BARD1: variants seen among roughly 807,000 people sequenced by gnomAD.
BARD1 encodes the protein BRCA1 associated RING domain 1, also known as BRCA1-associated RING domain protein 1.
In BARD1, 73 loss-of-function variants were observed where a neutral mutation model predicts 77.0. That is an observed-to-expected ratio of 0.95 (90% CI 0.79 to 1.15). BARD1 has a LOEUF of 1.15. BARD1 is among the 50% of genes most tolerant of loss of function. The pLI, the probability that BARD1 is intolerant of heterozygous loss-of-function variation, is 0.00. For synonymous variants in BARD1, 384 were observed against 338.0 expected, an observed-to-expected ratio of 1.14 and a Z score of -1.49; for missense variants, 993 against 938.8, an observed-to-expected ratio of 1.06 and a Z score of -0.75.
At chr2:214,769,806 C>T (rs961637397) in intron 4 of BARD1, among the ~76,000 whole-genome samples, 22 of 152,196 alleles carry the variant, frequency 1.4e-4, no homozygotes, top group African/African-American at 5.3e-4. Context: ...GAAGTACAGT[C>T]ATGCTTGAAT....
chr2:214,808,928 C>A (rs1011687909), intron 1 of BARD1, among the ~76,000 whole-genome samples: 1 of 152,214 alleles, frequency 6.6e-6, no homozygotes, highest in Non-Finnish European at 1.5e-5. Flanking sequence ...AAAGCTGGCA[C>A]GGAGAAAATG....
intron 3 of BARD1, among the ~76,000 whole-genome samples, chr2:214,784,826 T>C (rs1323944313): frequency 1.3e-5 from 2 of 151,946 alleles, no homozygotes; most frequent in African/African-American, 4.8e-5. Flanking sequence ...AGGTGAACAA[T>C]GAGAACACAT....
rs1350888901 is a variant in BARD1, at chr2:214,730,398, A to G, written c.2001+13T>C. On this transcript the variant is annotated intron_variant, in intron 10 of 10. Transcript: ENST00000260947. ...TAATAAGAACAATGAAAGTTGTATTAAAAGAAAAATACCAGCTGTTCTCTG... is the reference window on the plus strand; with the variant it reads ...TAATAAGAACAATGAAAGTTGTATTGAAAGAAAAATACCAGCTGTTCTCTG... 1 of 1,607,142 alleles carries G rather than the reference A, an allele frequency of 6.2e-7. No homozygotes were observed. Among genetic ancestry groups the G allele is most frequent in the East Asian group, 2.2e-5 (1 of 44,806 alleles).
At chr2:214,806,310 T>C (rs1696267067) in intron 1 of BARD1, among the ~76,000 whole-genome samples, 1 of 152,120 alleles carries the variant, frequency 6.6e-6, no homozygotes, top group Non-Finnish European at 1.5e-5. Context: ...GCCCACTGGG[T>C]AGAACTCTGA....
intron 9 of BARD1, among the ~76,000 whole-genome samples, chr2:214,742,170 C>T (rs1268050366): frequency 6.6e-6 from 1 of 152,052 alleles, no homozygotes; most frequent in Non-Finnish European, 1.5e-5. Context: ...AGCTTTGGTC[C>T]ACCTATCATC....
intron 9 of BARD1, among the ~76,000 whole-genome samples, chr2:214,744,288 A>G (rs368434327): frequency 6.6e-6 from 1 of 152,300 alleles, no homozygotes; most frequent in South Asian, 2.1e-4. Flanking sequence ...AGTGACTCCA[A>G]CTAAAGTAGT....
rs759957629 is a variant in BARD1 at position 214,809,493 on chromosome 2, A to C, written c.77T>G (p.Met26Arg). Residue 26 changes from methionine to arginine, a missense_variant, in exon 1 of 11, where the codon ATG (methionine) becomes AGG (arginine). Transcript: ENST00000260947. ...SGNEPRSAPA[M>R]EPDGRGAWAH... ...CCAGGCACCGCGACCATCCGGTTCC[A>C]TGGCGGGCGCGGAACGAGGCTCGTT... 15 of 1,607,596 alleles carry C rather than the reference A, an allele frequency of 9.3e-6. No individual in the cohort carries two copies. The highest frequency in any genetic ancestry group is 1.2e-5 in the Non-Finnish European group (14 of 1,178,150).
chr2:214,740,485 T>C (rs1692772110), intron 9 of BARD1, among the ~76,000 whole-genome samples: 2 of 152,082 alleles, frequency 1.3e-5, no homozygotes, highest in Admixed American at 1.3e-4. Flanking sequence ...TCCTCTTCAG[T>C]AACCCACCAA....
chr2:214,778,905 A>C (rs1407763414), intron 4 of BARD1, among the ~76,000 whole-genome samples: 1 of 152,198 alleles, frequency 6.6e-6, no homozygotes, highest in Non-Finnish European at 1.5e-5. Context: ...TAGTCCAAAA[A>C]TTTCCCAGAA....
At position 214,809,404 on chromosome 2, in the gene BARD1, G is replaced by A; in HGVS notation, c.158+8C>T. On this transcript the variant is annotated splice_region_variant and intron_variant, in intron 1 of 10. Transcript: ENST00000260947. ...CTCGCAGCCACCCCCAAGAAGCTCC[G>A]TCTTTACCAACGCGAGCAGCGCAGC... 1 of 1,612,420 alleles carries A rather than the reference G, an allele frequency of 6.2e-7. No homozygotes were observed.
chr2:214,736,309 A>G (rs1692563351), intron 9 of BARD1, among the ~76,000 whole-genome samples: 1 of 152,096 alleles, frequency 6.6e-6, no homozygotes, highest in Admixed American at 6.6e-5. Context: ...CAAATAAAAA[A>G]CCATCAGGAA....
At chr2:214,776,509 T>C (rs1052714871) in intron 4 of BARD1, among the ~76,000 whole-genome samples, 33 of 152,316 alleles carry the variant, frequency 2.2e-4, no homozygotes, top group African/African-American at 7.9e-4. Flanking sequence ...ACATGAGTTA[T>C]GAAGATATTC....
chr2:214,770,453 A>G (rs1205720725), intron 4 of BARD1, among the ~76,000 whole-genome samples: 3 of 152,256 alleles, frequency 2.0e-5, no homozygotes, highest in African/African-American at 7.2e-5. Context: ...AAGAAATACA[A>G]TAACTTTACT....
Position 214,730,488 on chromosome 2 carries a change from T to C in BARD1, c.1924A>G (p.Arg642Gly), listed in dbSNP as rs765487816. 1.9e-6 allele frequency: 3 copies of C among 1,613,996 alleles called. No individual in the cohort carries two copies. The highest frequency in any genetic ancestry group is 2.2e-5 in the South Asian group (2 of 91,080). Residue 642 changes from arginine to glycine, a missense_variant, in exon 10 of 11, where the codon AGA (arginine) becomes GGA (glycine). By Grantham distance (125) the Arg-to-Gly change is moderately radical (BLOSUM62 -2). Coordinates refer to ENST00000260947, the MANE Select transcript of BARD1 (RefSeq NM_000465.4). The part of the protein sequence containing the change: ...KFEWVKACLR[R>G]KVCEQEEKYE... ...TTTTCTTCCTGTTCACATACTTTTC[T>C]TCGTAGACATGCTTTTACCCCTGAC...
At chr2:214,761,939 T>G (rs1693985129) in intron 6 of BARD1, among the ~76,000 whole-genome samples, 1 of 152,134 alleles carries the variant, frequency 6.6e-6, no homozygotes, top group African/African-American at 2.4e-5. Context: ...TCTTTAGAAT[T>G]AGGTGTTGAC....
At chr2:214,758,691 G>A (rs1203643939) in intron 6 of BARD1, among the ~76,000 whole-genome samples, 5 of 152,182 alleles carry the variant, frequency 3.3e-5, no homozygotes, top group Admixed American at 3.3e-4. Flanking sequence ...ATGAGGAAAA[G>A]GAAGTACTTA....
chr2:214,727,309 C>T lies in BARD1; in HGVS notation c.*1367G>A. The T allele has an allele frequency of 4.3e-6, 1 of 231,508 alleles. No homozygotes were observed. 14.3% of individuals were successfully genotyped at this position (231,508 alleles called of 1,614,324 possible). The stretch of plus-strand genomic sequence containing the variant: ...AAGTGCATCTTAAGATGTTGATGAA[C>T]TTCAGAGATTCTCACTATTTTAAAA... On this transcript the variant is annotated 3_prime_UTR_variant, in exon 11 of 11. Transcript: ENST00000260947.
chr2:214,757,211 T>A (rs1411762473), intron 6 of BARD1, among the ~76,000 whole-genome samples: 1 of 151,910 alleles, frequency 6.6e-6, no homozygotes, highest in African/African-American at 2.4e-5. Flanking sequence ...GACTAATACA[T>A]ATACTGAATC....
intron 3 of BARD1, among the ~76,000 whole-genome samples, chr2:214,790,780 CAA>C (rs1695477799): frequency 1.3e-5 from 2 of 152,114 alleles, no homozygotes; most frequent in South Asian, 2.1e-4. Context: ...AAGAATCTAA[CAA>C]AAGTCACTTT....
Sources: gnomAD v4.1 joint callset for allele counts (sites outside exome capture counted in the v4.1 genomes callset) on GRCh38, gnomAD v4.1.1 for gene constraint, MANE v1.5 for transcripts, NCBI Gene and HGNC (gene_info 2026-07-23, HGNC 2026-07-21) for gene names.